Variants in MTMR8 observed in about 807,000 individuals in gnomAD.
MTMR8 encodes the protein phosphatidylinositol-3,5-bisphosphate 3-phosphatase MTMR8.
In MTMR8, 65 loss-of-function variants were observed where a neutral mutation model predicts 39.3. That is an observed-to-expected ratio of 1.65 (90% CI 1.35 to 2.03). The LOEUF (loss-of-function observed/expected upper bound fraction) is 2.03. MTMR8 is among the 30% of genes most tolerant of loss of function. The probability of loss-of-function intolerance (pLI) is 0.00; values close to 1 mark genes in which losing one functional copy is unlikely to be tolerated. For missense variants in MTMR8, 777 were observed against 538.9 expected (o/e 1.44, Z -4.37); for synonymous variants, 245 against 185.2 (o/e 1.32, Z -2.62).
chrX:64,316,501 G>A (rs773526265), intron 12 of MTMR8, among the ~76,000 whole-genome samples: 4 of 110,918 alleles, frequency 3.6e-5, no homozygotes, highest in Non-Finnish European at 1.9e-5. Flanking sequence ...ACAAAAATTA[G>A]GTGGGCATGA....
rs757984539 is a variant in MTMR8 at position 64,271,877 on chromosome X, C to A, written c.1482-804G>T. 5.3e-5 allele frequency among the ~76,000 whole-genome samples: 6 copies of A among 112,286 alleles called. No individual in the cohort carries two copies. In the East Asian group the frequency reaches 1.4e-3, roughly 26 times the overall value. On this transcript the variant is annotated intron_variant, in intron 12 of 13. Transcript: ENST00000374852. ...ACAGGGTAGGGGGAAAATCCCAGTTCCCAGCTTCTCCCTGGGAAGGGAAAA... is the reference window on the plus strand; with the variant it reads ...ACAGGGTAGGGGGAAAATCCCAGTTACCAGCTTCTCCCTGGGAAGGGAAAA...
intron 12 of MTMR8, among the ~76,000 whole-genome samples, chrX:64,328,439 A>AT (rs1344647622): frequency 1.8e-5 from 2 of 111,465 alleles, no homozygotes; most frequent in Non-Finnish European, 3.8e-5. Flanking sequence ...GATTTGTCTC[A>AT]TTTTTCTTTT....
At chrX:64,296,686 C>T (rs1407477759) in intron 12 of MTMR8, among the ~76,000 whole-genome samples, 3 of 106,840 alleles carry the variant, frequency 2.8e-5, no homozygotes, top group Non-Finnish European at 3.9e-5. Context: ...CCCACTAACT[C>T]GTCATCTAGC....
Position 64,384,910 on chromosome X carries a change from G to T in MTMR8, c.24+10430C>A, listed in dbSNP as rs1924519169. 3.6e-5 allele frequency among the ~76,000 whole-genome samples: 4 copies of T among 112,044 alleles called. No individual in the cohort carries two copies. The South Asian group carries it at 1.5e-3, about 42-fold the overall frequency. ...ATTTATCCAGCAAGTGGTTGCTCAG[G>T]AACCCATTTGAATTCTTCTTCTGAA... On this transcript the variant is annotated intron_variant, in intron 1 of 13. Transcript: ENST00000374852.
chrX:64,320,211 C>T (rs921087183), intron 12 of MTMR8, among the ~76,000 whole-genome samples: 3 of 111,007 alleles, frequency 2.7e-5, no homozygotes, highest in Non-Finnish European at 5.7e-5. Flanking sequence ...TGTTTATCTG[C>T]TATTGGTGTA....
intron 1 of MTMR8, among the ~76,000 whole-genome samples, chrX:64,379,923 G>GA (rs201801155): frequency 3.0e-3 from 321 of 108,550 alleles, no homozygotes; most frequent in Non-Finnish European, 3.9e-3. Context: ...AGCTAAAAAG[G>GA]AAAAAAAAAT....
intron 11 of MTMR8, among the ~76,000 whole-genome samples, chrX:64,330,625 A>G (rs1602134477): frequency 9.0e-6 from 1 of 111,700 alleles, no homozygotes. Context: ...TATGTCTCAT[A>G]TATTGCCAAG....
intron 1 of MTMR8, among the ~76,000 whole-genome samples, chrX:64,377,136 G>T (rs1924293910): frequency 8.9e-6 from 1 of 112,540 alleles, no homozygotes; most frequent in Admixed American, 9.3e-5. Flanking sequence ...TGTCCAGGCA[G>T]AAGTCTGCTA....
intron 12 of MTMR8, among the ~76,000 whole-genome samples, chrX:64,319,652 A>C (rs1258395324): frequency 8.9e-6 from 1 of 111,856 alleles, no homozygotes; most frequent in African/African-American, 3.3e-5. Flanking sequence ...ACCATTTATT[A>C]AATAGGGAAT....
chrX:64,394,281 AGAG>A, intron 1 of MTMR8, among the ~76,000 whole-genome samples: 1 of 112,010 alleles, frequency 8.9e-6, no homozygotes, highest in South Asian at 3.8e-4. Context: ...GGAAGCTACA[AGAG>A]GAGATTTGGG....
At chrX:64,300,668 G>T (rs1434044060) in intron 12 of MTMR8, among the ~76,000 whole-genome samples, 1 of 102,902 alleles carries the variant, frequency 9.7e-6, no homozygotes, top group African/African-American at 3.6e-5. Flanking sequence ...TTTCTTCCTA[G>T]TCTCGATGGT....
chrX:64,310,400 C>T (rs1399114607), intron 12 of MTMR8, among the ~76,000 whole-genome samples: 1 of 111,440 alleles, frequency 9.0e-6, no homozygotes, highest in East Asian at 2.8e-4. Context: ...CCACTGAAGT[C>T]TTGAACTCAT....
rs182840920 is a variant in MTMR8 at position 64,380,735 on chromosome X, C to A, written c.24+14605G>T. Among the ~76,000 whole-genome samples, 246 of 111,326 alleles carry A rather than the reference C, an allele frequency of 2.2e-3. 2 individuals carry two copies. Among genetic ancestry groups the A allele is most frequent in the African/African-American group, 7.7e-3 (235 of 30,610 alleles). ...CATTAGGTATATCTCCTAATGCTAT[C>A]CCTCCCCCCTCCTTCCACCCTACAA... On this transcript the variant is annotated intron_variant, in intron 1 of 13. Coordinates refer to ENST00000374852, the MANE Select transcript of MTMR8 (RefSeq NM_017677.4).
intron 12 of MTMR8, among the ~76,000 whole-genome samples, chrX:64,289,151 A>G (rs991931732): frequency 9.0e-6 from 1 of 111,147 alleles, no homozygotes; most frequent in African/African-American, 3.3e-5. Flanking sequence ...GACAAGACAC[A>G]CATTAAAAAG....
At chrX:64,363,326 G>T (rs1020396320) in intron 1 of MTMR8, among the ~76,000 whole-genome samples, 1 of 111,934 alleles carries the variant, frequency 8.9e-6, no homozygotes, top group Non-Finnish European at 1.9e-5. Flanking sequence ...GGAAGTGACT[G>T]GATCATGGGG....
In MTMR8 at chrX:64,291,376, C is replaced by A. The variant is rs138638697; in HGVS notation, c.1482-20303G>T. On this transcript the variant is annotated intron_variant, in intron 12 of 13. Transcript: ENST00000374852. ...CCTTCAGAACCCTCTGACCCAGCAA[C>A]TTCCTGACATGCTGCCTAGTCATCT... 7.0e-4 allele frequency among the ~76,000 whole-genome samples: 78 copies of A among 111,039 alleles called. No individual in the cohort carries two copies. In the East Asian group the frequency reaches 0.021, roughly 30 times the overall value.
intron 9 of MTMR8, among the ~76,000 whole-genome samples, chrX:64,336,745 C>T (rs1322403366): frequency 9.0e-6 from 1 of 110,584 alleles, no homozygotes; most frequent in Non-Finnish European, 1.9e-5. Context: ...TGCAGTGAGC[C>T]AATATCGCAC....
intron 12 of MTMR8, among the ~76,000 whole-genome samples, chrX:64,293,955 G>T (rs1241292315): frequency 9.0e-6 from 1 of 111,658 alleles, no homozygotes; most frequent in Non-Finnish European, 1.9e-5. Flanking sequence ...GGTATTGGTG[G>T]GCACTACCTG....
At chrX:64,325,314 A>C (rs1922761681) in intron 12 of MTMR8, among the ~76,000 whole-genome samples, 1 of 112,159 alleles carries the variant, frequency 8.9e-6, no homozygotes, top group Non-Finnish European at 1.9e-5. Flanking sequence ...TAAGGATAGC[A>C]TTACCCTGAT....
Sources: gnomAD v4.1 joint callset for allele counts (sites outside exome capture counted in the v4.1 genomes callset) on GRCh38, gnomAD v4.1.1 for gene constraint, MANE v1.5 for transcripts, NCBI Gene and HGNC (gene_info 2026-07-23, HGNC 2026-07-21) for gene names.